Variants in SYVN1 observed in about 807,000 individuals in gnomAD.
SYVN1 encodes the protein synoviolin 1.
SYVN1 carries 17 observed loss-of-function variants against 62.6 expected under a neutral mutation model. That is an observed-to-expected ratio of 0.27 (90% CI 0.19 to 0.41). The LOEUF is 0.41. Among genes scored for constraint, SYVN1 ranks in the 10% least tolerant of loss-of-function variants. The pLI, the probability that SYVN1 is intolerant of heterozygous loss-of-function variation, is 1.00. For synonymous variants in SYVN1, 316 were observed against 304.0 expected (o/e 1.04, Z -0.41); for missense variants, 634 against 818.0 (o/e 0.78, Z 2.74).
Position 65,127,384 on chromosome 11 carries a change from T to A in SYVN1, c.*998A>T, listed in dbSNP as rs1309072377. 4.2e-6 allele frequency: 1 copy of A among 240,266 alleles called. No homozygotes were observed. Among genetic ancestry groups the A allele is most frequent in the Non-Finnish European group, 8.0e-6 (1 of 124,578 alleles). 14.9% of individuals were successfully genotyped at this position (240,266 alleles called of 1,614,324 possible). A position where few individuals can be genotyped will look rare whatever the true frequency, so the allele number is the denominator to read the frequency against. The stretch of plus-strand genomic sequence containing the variant: ...ATCTGAAACTGTCTCCAACAACTCT[T>A]GTAACACAAAACCAAGGGGAAAAGA... On this transcript the variant is annotated 3_prime_UTR_variant, in exon 16 of 16. Coordinates refer to ENST00000377190, the MANE Select transcript of SYVN1 (RefSeq NM_172230.3).
intron 14 of SYVN1, 183 bp downstream of exon 14, chr11:65,129,546 G>A (rs1191669378): frequency 8.6e-6 from 5 of 582,508 alleles, no homozygotes; most frequent in East Asian, 8.3e-5. Flanking sequence ...ATCCAGACAT[G>A]CTTTCTGGAG....
In SYVN1 at chr11:65,130,279, C is replaced by A; in HGVS notation, c.1206G>T (p.Glu402Asp). Reference sequence around the variant, plus strand: ...CACTGGTGGATGGAGGAGCCACAGCCTCTCCTGAGCTGGGGGGAGGCGGGA... The same window carrying A: ...CACTGGTGGATGGAGGAGCCACAGCATCTCCTGAGCTGGGGGGAGGCGGGA... ...PPVPPPPSSG[E>D]AVAPPSTSAA... The change falls in exon 12 of 16, where the codon GAG becomes GAT. Residue 402 changes from glutamate (E) to aspartate (D), a missense_variant. Glu to Asp is a conservative substitution (Grantham distance 45). Transcript: ENST00000377190. 1 of 1,601,416 alleles carries A rather than the reference C, an allele frequency of 6.2e-7. No individual in the cohort carries two copies. Among genetic ancestry groups the A allele is most frequent in the Non-Finnish European group, 8.5e-7 (1 of 1,173,632 alleles).
rs1948207593 is a variant in SYVN1 at position 65,133,475 on chromosome 11, T to C, written c.127A>G (p.Met43Val). The change falls in exon 2 of 16, where the codon ATG becomes GTG. Residue 43 changes from methionine (M) to valine (V), a missense_variant. Physicochemically the swap from Met to Val is conservative, Grantham distance 21. Coordinates refer to ENST00000377190, the MANE Select transcript of SYVN1 (RefSeq NM_172230.3). The part of the protein sequence containing the change: ...VVYLTKSSPS[M>V]AVLYIQAFVL... The stretch of plus-strand genomic sequence containing the variant: ...TCCCTGAGCCCTGAACTCACTGCCA[T>C]GCTGGGGCTGGACTTGGTCAGGTAC... The C allele has an allele frequency of 6.2e-7, 1 of 1,613,782 alleles. No individual in the cohort carries two copies. Among genetic ancestry groups the C allele is most frequent in the African/African-American group, 1.3e-5 (1 of 75,062 alleles).
rs1565345382 is a variant in SYVN1 at position 65,130,342 on chromosome 11, C to T, written c.1143G>A (p.Met381Ile). The change falls in exon 12 of 16, where the codon ATG (methionine) becomes ATA (isoleucine). Residue 381 changes from methionine to isoleucine, a missense_variant. Transcript: ENST00000377190. ...GGCCCATGGGGGGCCACAGTGGGAA[C>T]ATGCCTGGAGGAAAAGGAGGCAGGA... ...QGLLPPFPPG[M>I]FPLWPPMGPF... is the part of the protein sequence containing the mutation. 6.4e-7 allele frequency: 1 copy of T among 1,563,540 alleles called. No individual in the cohort carries two copies. Among genetic ancestry groups the T allele is most frequent in the Non-Finnish European group, 8.6e-7 (1 of 1,156,878 alleles).
chr11:65,133,285 A>C (rs1162061837), intron 2 of SYVN1, 33 bp from the exon 3 acceptor site: 1 of 1,609,518 alleles, frequency 6.2e-7, no homozygotes, highest in Non-Finnish European at 8.5e-7. Context: ...GTTTGAGGTC[A>C]CTTTCTGCTT....
rs768892808 is a variant in SYVN1, at chr11:65,130,881, C to G, written c.941+39G>C. ...TCCCTAGGGGCCTGCCTTCTGGGGCCTGTGCCCTGCTGTGCAGGCTCCCCA... is the reference window on the plus strand; with the variant it reads ...TCCCTAGGGGCCTGCCTTCTGGGGCGTGTGCCCTGCTGTGCAGGCTCCCCA... On this transcript the variant is annotated intron_variant, in intron 10 of 15. Coordinates refer to ENST00000377190, the MANE Select transcript of SYVN1 (RefSeq NM_172230.3). The G allele has an allele frequency of 6.2e-6, 10 of 1,612,380 alleles. No individual in the cohort carries two copies. The Admixed American group carries it at 1.3e-4, about 22-fold the overall frequency.
intron 14 of SYVN1, chr11:65,128,937 G>A: frequency 1.7e-6 from 1 of 578,866 alleles, no homozygotes; most frequent in South Asian, 2.1e-5. Context: ...TTGCAGGCAG[G>A]GACTGTTGAC....
In SYVN1 at chr11:65,128,073, A is replaced by T. The variant is rs955973963; in HGVS notation, c.*309T>A. ...TTGGAGGGGCAGCCCCTTCTCCTGG[A>T]AAGGGGTGGGGGAAGAAGAGGGCTT... On this transcript the variant is annotated 3_prime_UTR_variant, in exon 16 of 16. Coordinates refer to ENST00000377190, the MANE Select transcript of SYVN1 (RefSeq NM_172230.3). 1.2e-5 allele frequency: 6 copies of T among 498,144 alleles called. No individual in the cohort carries two copies. The highest frequency in any genetic ancestry group is 2.2e-5 in the Non-Finnish European group (6 of 277,412). 30.9% of individuals were successfully genotyped at this position (498,144 alleles called of 1,614,324 possible).
rs1948174912 is a variant in SYVN1, at chr11:65,131,181, C to T, written c.775G>A (p.Val259Met). ...YLAMRQFKKA[V>M]TDAIMSRRAI... Reference sequence around the variant, plus strand: ...CGGCGAGACATGATGGCATCTGTCACAGCTTTCTTGAACTGTCTGAAAGGA... The same window carrying T: ...CGGCGAGACATGATGGCATCTGTCATAGCTTTCTTGAACTGTCTGAAAGGA... The change falls in exon 9 of 16, where the codon GTG becomes ATG. Residue 259 changes from valine (V) to methionine (M), a missense_variant. Val to Met is a conservative substitution (Grantham distance 21). Around this residue, in one of 2 missense-constraint regions of SYVN1, gnomAD observed 283 missense variants for 444.7 expected, o/e 0.64. Coordinates refer to ENST00000377190, the MANE Select transcript of SYVN1 (RefSeq NM_172230.3). 1 of 1,614,040 alleles carries T rather than the reference C, an allele frequency of 6.2e-7. No individual in the cohort carries two copies. Among genetic ancestry groups the T allele is most frequent in the Non-Finnish European group, 8.5e-7 (1 of 1,180,034 alleles).
chr11:65,130,008 G>A lies in SYVN1; in HGVS notation c.1402C>T (p.Pro468Ser), dbSNP rs1349471579. The A allele has an allele frequency of 1.3e-6, 2 of 1,594,804 alleles. No homozygotes were observed. Among genetic ancestry groups the A allele is most frequent in the African/African-American group, 1.3e-5 (1 of 74,562 alleles). The part of the protein sequence containing the change: ...PPWMGMPLPP[P>S]FAFPPMPVPP... The stretch of plus-strand genomic sequence containing the variant: ...AGAGAGTGGCCCAGCTTACCAAAGG[G>A]TGGAGGCAGGGGCATACCCATCCAG... Residue 468 changes from proline to serine, a missense_variant, in exon 13 of 16, where the codon CCC becomes TCC. Pro to Ser is a moderately conservative substitution (Grantham distance 74, BLOSUM62 -1). Coordinates refer to ENST00000377190, the MANE Select transcript of SYVN1 (RefSeq NM_172230.3).
chr11:65,133,153 ATCTTACCTCC>A lies in SYVN1; in HGVS notation c.222_225+6del. 1 of 1,614,170 alleles carries A rather than the reference ATCTTACCTCC, an allele frequency of 6.2e-7. No individual in the cohort carries two copies. Among genetic ancestry groups the A allele is most frequent in the African/African-American group, 1.3e-5 (1 of 75,034 alleles). On this transcript the variant is annotated splice_donor_variant and splice_donor_5th_base_variant and coding_sequence_variant and intron_variant, in exon 3 of 16. Transcript: ENST00000377190. LOFTEE classifies it high-confidence loss of function. ...TGCCCTCACCTTTGGGGCAGCCGAC[ATCTTACCTCC>A]ATCTCTGCTGCCCTCAGTTGCCCAA...
Position 65,132,237 on chromosome 11 carries a change from G to C in SYVN1, c.531+11C>G. On this transcript the variant is annotated intron_variant, in intron 6 of 15. Coordinates refer to ENST00000377190, the MANE Select transcript of SYVN1 (RefSeq NM_172230.3). ...CGGGCTTGTCCTCTCAACCTCCCAA[G>C]CCAGTTTTACCTCAAAGCCAAACAC... The C allele has an allele frequency of 6.2e-7, 1 of 1,608,736 alleles. No homozygotes were observed. The highest frequency in any genetic ancestry group is 8.5e-7 in the Non-Finnish European group (1 of 1,175,184).
rs150767273 is a variant in SYVN1 at position 65,131,477 on chromosome 11, C to A, written c.651G>T (p.Leu217=). Residue 217 remains leucine (L), a synonymous_variant, in exon 7 of 16, where the codon CTG becomes CTT. Coordinates refer to ENST00000377190, the MANE Select transcript of SYVN1 (RefSeq NM_172230.3). ...GGCCCAGGCCCCTCTCACCTGTAAA[C>A]AGCTCTGTGTAGAGCATGTACACAG... is the stretch of plus-strand genomic sequence containing the variant. ...NKAVYMLYTE[L]FTGFIKVLLY... 3.1e-6 allele frequency: 5 copies of A among 1,614,012 alleles called. No individual in the cohort carries two copies. In the African/African-American group the frequency reaches 6.7e-5, roughly 22 times the overall value.
chr11:65,129,458 C>T, intron 14 of SYVN1: 1 of 399,626 alleles, frequency 2.5e-6, no homozygotes, highest in Non-Finnish European at 4.5e-6. Flanking sequence ...ACTGCAAATT[C>T]TGAATAATTT....
rs765522499 is a variant in SYVN1 at position 65,128,254 on chromosome 11, G to A, written c.*128C>T. On this transcript the variant is annotated 3_prime_UTR_variant, in exon 16 of 16. Transcript: ENST00000377190. ...CTTTCCACTTGGCCTAGGGGATGCCGCCTCTTTCTCAGAGCTGGGGGTACT... is the reference window on the plus strand; with the variant it reads ...CTTTCCACTTGGCCTAGGGGATGCCACCTCTTTCTCAGAGCTGGGGGTACT... The A allele has an allele frequency of 2.5e-5, 19 of 773,796 alleles. No homozygotes were observed. The highest frequency in any genetic ancestry group is 1.1e-4 in the South Asian group (7 of 61,156). 47.9% of individuals were successfully genotyped at this position (773,796 alleles called of 1,614,324 possible).
chr11:65,133,133 T>G, intron 3 of SYVN1, 27 bp downstream of exon 3: 1 of 1,614,068 alleles, frequency 6.2e-7, no homozygotes, highest in East Asian at 2.2e-5. Flanking sequence ...CACCCTGCCC[T>G]CACCTTTGGG....
chr11:65,128,121 T>G lies in SYVN1; in HGVS notation c.*261A>C, dbSNP rs1466879569. On this transcript the variant is annotated 3_prime_UTR_variant, in exon 16 of 16. Transcript: ENST00000377190. ...CTTCTCAGAGGCTAAACCTTCTGCC[T>G]TCATGGCCCCAGCAGAACACAGGGC... 3.5e-6 allele frequency: 2 copies of G among 575,400 alleles called. No homozygotes were observed. Among genetic ancestry groups the G allele is most frequent in the African/African-American group, 3.8e-5 (2 of 53,222 alleles). 35.6% of individuals were successfully genotyped at this position (575,400 alleles called of 1,614,324 possible).
rs760348538 is a variant in SYVN1, at chr11:65,130,814, G to A, written c.951C>T (p.Arg317=). The A allele has an allele frequency of 2.9e-5, 46 of 1,563,280 alleles. No homozygotes were observed. The highest frequency in any genetic ancestry group is 4.0e-5 in the Non-Finnish European group (46 of 1,159,764). Residue 317 remains arginine (R), a synonymous_variant, in exon 11 of 16, where the codon CGC becomes CGT. Transcript: ENST00000377190. The part of the protein sequence containing the change: ...CNHIFHTSCL[R]SWFQRQQTCP... ...AGGTCTGCTGCCGCTGGAACCAGGA[G>A]CGCAGGCAGCTGCGGGTCAAGGCCA...
rs1948177052 is a variant in SYVN1, at chr11:65,131,332, T to C, written c.700A>G (p.Met234Val). The change falls in exon 8 of 16, where the codon ATG becomes GTG. Residue 234 changes from methionine (M) to valine (V), a missense_variant. Coordinates refer to ENST00000377190, the MANE Select transcript of SYVN1 (RefSeq NM_172230.3). ...VLLYMAFMTI[M>V]IKVHTFPLFA... ...AGTGGGAAGGTGTGCACCTTGATCA[T>C]GATGGTCATGAAGGCCATGTACAGC... The C allele has an allele frequency of 6.2e-6, 10 of 1,613,968 alleles. No individual in the cohort carries two copies. Among genetic ancestry groups the C allele is most frequent in the Non-Finnish European group, 8.5e-6 (10 of 1,179,970 alleles).
Sources: allele counts gnomAD v4.1 joint callset, GRCh38; gene constraint gnomAD v4.1.1; regional missense constraint gnomAD v4.1.1; transcripts MANE v1.5; gene names NCBI Gene and HGNC (gene_info 2026-07-23, HGNC 2026-07-21).